Variants in RIN2 observed in about 807,000 individuals in gnomAD.
RIN2 encodes the protein RAB5 interacting protein 2.
RIN2 carries 36 observed loss-of-function variants against 78.0 expected under a neutral mutation model. The ratio of observed to expected loss-of-function variants is 0.46; its 90% CI spans 0.35 to 0.61. The LOEUF (loss-of-function observed/expected upper bound fraction) is 0.61, where lower values mean the gene tolerates loss of function less well. RIN2 is among the 20% of genes least tolerant of loss of function. The pLI, the probability that RIN2 is intolerant of heterozygous loss-of-function variation, is 0.00. For synonymous variants in RIN2, 466 were observed against 466.8 expected, an observed-to-expected ratio of 1.00 and a Z score of 0.02; for missense variants, 1,087 against 1,159.7, an observed-to-expected ratio of 0.94 and a Z score of 0.91.
intron 3 of RIN2, among the ~76,000 whole-genome samples, chr20:19,902,591 A>G (rs2039033668): frequency 6.6e-6 from 1 of 152,194 alleles, no homozygotes; most frequent in East Asian, 1.9e-4. Flanking sequence ...TGACAGAGGC[A>G]TAGGAGGTTC....
intron 2 of RIN2, among the ~76,000 whole-genome samples, chr20:19,876,308 C>T (rs887538418): frequency 6.6e-6 from 1 of 152,098 alleles, no homozygotes; most frequent in African/African-American, 2.4e-5. Context: ...ATCTTCAGGT[C>T]GTATAAATCT....
rs577119436 is a variant in RIN2 at position 19,814,625 on chromosome 20, G to A, written c.-37+14878G>A. 3.3e-5 allele frequency among the ~76,000 whole-genome samples: 5 copies of A among 152,218 alleles called. No homozygotes were observed. The East Asian group carries it at 9.6e-4, about 29-fold the overall frequency. On this transcript the variant is annotated intron_variant, in intron 2 of 12. Coordinates refer to ENST00000255006, the MANE Select transcript of RIN2 (RefSeq NM_018993.4). ...TTTATATTTTATATTTTGGAGACAG[G>A]GTTTTGCCCTTTCATCCAGGCTGGA...
intron 9 of RIN2, among the ~76,000 whole-genome samples, chr20:19,976,302 T>A (rs997310419): frequency 1.7e-4 from 26 of 152,218 alleles, no homozygotes; most frequent in African/African-American, 6.3e-4. Flanking sequence ...AACCCCTGGA[T>A]AAGCAGAACC....
In RIN2 at chr20:19,901,445, G is replaced by A. The variant is rs372047202; in HGVS notation, c.57+11787G>A. On this transcript the variant is annotated intron_variant, in intron 3 of 12. Transcript: ENST00000255006. The stretch of plus-strand genomic sequence containing the variant: ...TGGCAAAAGTGCCCCACCCAGCGTC[G>A]AACACCCGACCTTGTCATTTACCCA... Among the ~76,000 whole-genome samples the A allele has an allele frequency of 4.6e-5, 7 of 152,086 alleles. No individual in the cohort carries two copies. The South Asian group carries it at 6.2e-4, about 14-fold the overall frequency.
At chr20:19,935,561 C>G in intron 4 of RIN2, 1 of 1,019,282 alleles carries the variant, frequency 9.8e-7, no homozygotes, top group Non-Finnish European at 1.2e-6. Flanking sequence ...CTCCAGAAGG[C>G]TTACAGGGGA....
intron 2 of RIN2, among the ~76,000 whole-genome samples, chr20:19,881,689 T>C (rs1276664020): frequency 6.6e-6 from 1 of 152,160 alleles, no homozygotes; most frequent in African/African-American, 2.4e-5. Flanking sequence ...AGATCCTCCC[T>C]CTTTAGCCTC....
intron 1 of RIN2, among the ~76,000 whole-genome samples, chr20:19,782,556 A>T (rs141482715): frequency 0.11 from 13,648 of 125,124 alleles, 594 homozygotes; most frequent in South Asian, 0.14. Context: ...ACTCTGTCTT[A>T]AAAAAAAAAA....
At chr20:19,887,223 T>TA (rs141401386) in intron 2 of RIN2, among the ~76,000 whole-genome samples, 1,701 of 151,892 alleles carry the variant, frequency 0.011, 14 homozygotes, top group Non-Finnish European at 0.018. Context: ...AGGGTCTCGC[T>TA]ATGTTGCCCA....
At chr20:19,860,077 G>C (rs760784759) in intron 2 of RIN2, among the ~76,000 whole-genome samples, 5 of 152,164 alleles carry the variant, frequency 3.3e-5, no homozygotes, top group Non-Finnish European at 4.4e-5. Context: ...AAAGGAGCTG[G>C]GTGTTTATTT....
At chr20:19,983,215 A>G (rs1401161167) in intron 9 of RIN2, among the ~76,000 whole-genome samples, 4 of 152,262 alleles carry the variant, frequency 2.6e-5, no homozygotes, top group Non-Finnish European at 5.9e-5. Context: ...CCAAAGGAGA[A>G]TATGTTAGCA....
At chr20:19,986,288 C>T (rs2042620297) in intron 9 of RIN2, among the ~76,000 whole-genome samples, 1 of 151,774 alleles carries the variant, frequency 6.6e-6, no homozygotes, top group African/African-American at 2.4e-5. Flanking sequence ...TTCATTTAGG[C>T]TCTTGTCCCC....
chr20:19,991,088 T>C (rs1472189593), intron 10 of RIN2, among the ~76,000 whole-genome samples: 2 of 152,176 alleles, frequency 1.3e-5, no homozygotes, highest in African/African-American at 2.4e-5. Context: ...ACTTTTCTTC[T>C]GAGTGAAATT....
At chr20:19,760,124 A>G (rs1314769557) in intron 1 of RIN2, among the ~76,000 whole-genome samples, 1 of 152,230 alleles carries the variant, frequency 6.6e-6, no homozygotes, top group Non-Finnish European at 1.5e-5. Flanking sequence ...TCAGGTTCCA[A>G]TATTGCCTCT....
Position 19,962,958 on chromosome 20 carries a change from CAAAT to C in RIN2, c.464-1984_464-1981del, listed in dbSNP as rs368515211. Among the ~76,000 whole-genome samples, 32 of 152,236 alleles carry C rather than the reference CAAAT, an allele frequency of 2.1e-4. 2 individuals are homozygous for C. The highest frequency in any genetic ancestry group is 7.7e-4 in the African/African-American group (32 of 41,542). ...TGGGCGACAGAGTGAGACTTTATCT[CAAAT>C]AAATAAATATTCAGATATTTTGTCA... On this transcript the variant is annotated intron_variant, in intron 6 of 12. Transcript: ENST00000255006.
At chr20:19,973,610 GAAACCCCGTCTCTCCTAA>G (rs2042174365) in intron 8 of RIN2, among the ~76,000 whole-genome samples, 1 of 152,140 alleles carries the variant, frequency 6.6e-6, no homozygotes, top group Non-Finnish European at 1.5e-5. Flanking sequence ...TAAACATGGT[GAAACCCCGTCTCTCCTAA>G]AAATACCAAA....
In RIN2 at chr20:19,956,615, C is replaced by G. The variant is rs867005931; in HGVS notation, c.159C>G (p.Ser53Arg). ...ENGLEPAETH[S>R]MVRHKDGGYS... ...ACCGTGCCGCTTCTCTTTCTCCTAG[C>G]ATGGTAAGACACAAGGATGGTGGCT... The change falls in exon 5 of 13, where the codon AGC (serine) becomes AGG (arginine). Residue 53 changes from serine (S) to arginine (R), a missense_variant and splice_region_variant. Transcript: ENST00000255006. The G allele has an allele frequency of 3.1e-6, 5 of 1,612,840 alleles. No individual in the cohort carries two copies. In the Middle Eastern group the frequency reaches 8.2e-4, roughly 266 times the overall value.
chr20:19,779,495 A>C (rs549015721), intron 1 of RIN2, among the ~76,000 whole-genome samples: 4 of 152,132 alleles, frequency 2.6e-5, no homozygotes, highest in Non-Finnish European at 5.9e-5. Flanking sequence ...GGTATAGCTA[A>C]CTTGCTTAGG....
intron 10 of RIN2, among the ~76,000 whole-genome samples, 154 bp from the exon 11 acceptor site, chr20:19,992,014 G>A (rs190480062): frequency 2.2e-3 from 339 of 152,302 alleles, no homozygotes; most frequent in African/African-American, 7.0e-3. Flanking sequence ...GAGGGTCAGA[G>A]GCTACATAGG....
chr20:19,995,686 A>AGG (rs367710811), intron 11 of RIN2, among the ~76,000 whole-genome samples: 21 of 151,776 alleles, frequency 1.4e-4, no homozygotes, highest in Admixed American at 1.1e-3. Context: ...TCCCAAAGGA[A>AGG]GGGGGGGGTA....
Sources: allele counts gnomAD v4.1 joint callset (sites outside exome capture counted in the v4.1 genomes callset), GRCh38; gene constraint gnomAD v4.1.1; transcripts MANE v1.5; gene names NCBI Gene and HGNC (gene_info 2026-07-23, HGNC 2026-07-21).